The following CACNB4 variants were observed in gnomAD, a reference collection of about 807,000 sequenced individuals.
The protein encoded by CACNB4 is voltage-dependent L-type calcium channel subunit beta-4.
CACNB4 carries 32 observed loss-of-function variants against 71.2 expected under a neutral mutation model. The observed-to-expected ratio is 0.45, with a 90% CI of 0.34 to 0.60. The LOEUF is 0.60. Ranked by LOEUF, CACNB4 falls within the 20% of genes least tolerant of loss-of-function variation. The pLI is 0.01. For missense variants in CACNB4, 464 were observed against 647.9 expected, an observed-to-expected ratio of 0.72 and a Z score of 3.08; for synonymous variants, 231 against 236.9, an observed-to-expected ratio of 0.97 and a Z score of 0.23.
intron 2 of CACNB4, among the ~76,000 whole-genome samples, chr2:152,057,139 T>C (rs1685769471): frequency 6.6e-6 from 1 of 152,178 alleles, no homozygotes; most frequent in Admixed American, 6.5e-5. Context: ...GGTCCATGTA[T>C]TAATAGTAAG....
intron 9 of CACNB4, among the ~76,000 whole-genome samples, chr2:151,865,565 C>A (rs192577867): frequency 1.4e-5 from 2 of 146,434 alleles, no homozygotes; most frequent in Non-Finnish European, 3.0e-5. Context: ...GGCTGTTCAG[C>A]CTGTGAATGG....
chr2:151,845,978 G>A (rs2099837459), intron 12 of CACNB4, among the ~76,000 whole-genome samples: 1 of 152,158 alleles, frequency 6.6e-6, no homozygotes, highest in African/African-American at 2.4e-5. Flanking sequence ...CTCATTTAGT[G>A]GGTATGAAAG....
At chr2:151,963,023 G>A (rs2099870056) in intron 2 of CACNB4, 1 of 152,064 alleles carries the variant, frequency 6.6e-6, no homozygotes, top group African/African-American at 2.4e-5. Context: ...GCTCTAGAAA[G>A]AAACGTGGGC....
chr2:152,075,622 C>A (rs1288865651), intron 2 of CACNB4, among the ~76,000 whole-genome samples: 1 of 152,198 alleles, frequency 6.6e-6, no homozygotes, highest in Non-Finnish European at 1.5e-5. Context: ...TTGACTTGGC[C>A]TGAGAGCCTC....
chr2:151,918,763 T>C (rs1446860131), intron 2 of CACNB4, among the ~76,000 whole-genome samples: 2 of 152,222 alleles, frequency 1.3e-5, no homozygotes, highest in African/African-American at 2.4e-5. Context: ...CTGCATTGTG[T>C]AGCATTAGCA....
chr2:151,927,037 T>C (rs1471536996), intron 2 of CACNB4, among the ~76,000 whole-genome samples: 1 of 152,224 alleles, frequency 6.6e-6, no homozygotes, highest in Non-Finnish European at 1.5e-5. Context: ...CTTTAAGCAC[T>C]TTAAAACATT....
intron 2 of CACNB4, among the ~76,000 whole-genome samples, chr2:151,975,522 T>C (rs1326564398): frequency 6.6e-6 from 1 of 152,100 alleles, no homozygotes; most frequent in African/African-American, 2.4e-5. Flanking sequence ...TGTGCCCCCA[T>C]GGAGGGAGGA....
At chr2:152,018,467 G>C (rs1683470404) in intron 2 of CACNB4, among the ~76,000 whole-genome samples, 1 of 151,862 alleles carries the variant, frequency 6.6e-6, no homozygotes, top group African/African-American at 2.4e-5. Context: ...AAAAAGAAGG[G>C]GTAGTCAAAT....
chr2:151,893,772 A>G (rs1457864447), intron 2 of CACNB4, among the ~76,000 whole-genome samples: 2 of 152,194 alleles, frequency 1.3e-5, no homozygotes, highest in Non-Finnish European at 2.9e-5. Flanking sequence ...CTGGGAAAAA[A>G]ATACAATAAT....
At chr2:151,841,365 G>A (rs1435981905) in intron 13 of CACNB4, among the ~76,000 whole-genome samples, 2 of 152,162 alleles carry the variant, frequency 1.3e-5, no homozygotes, top group African/African-American at 4.8e-5. Context: ...TTGAAGCCAG[G>A]AGTTTGAGAT....
At chr2:151,875,630 C>G (rs1359471816) in intron 5 of CACNB4, among the ~76,000 whole-genome samples, 2 of 143,284 alleles carry the variant, frequency 1.4e-5, no homozygotes, top group African/African-American at 5.6e-5. Flanking sequence ...GGGCTGACCC[C>G]TCCACCTCCC....
At chr2:152,047,265 G>A (rs530846609) in intron 2 of CACNB4, among the ~76,000 whole-genome samples, 7 of 152,006 alleles carry the variant, frequency 4.6e-5, no homozygotes, top group South Asian at 4.2e-4. Context: ...AATGTCAACC[G>A]CTGTCACACA....
In CACNB4 at chr2:151,953,615, C is replaced by T. The variant is rs541097832; in HGVS notation, c.148-70245G>A. Reference sequence around the variant, plus strand: ...TGTCCAAATCCAAACAGTTAGTAAACGGAAAGCATTGTAAGTCCAGTTCTT... The same window carrying T: ...TGTCCAAATCCAAACAGTTAGTAAATGGAAAGCATTGTAAGTCCAGTTCTT... On this transcript the variant is annotated intron_variant, in intron 2 of 13. Coordinates refer to ENST00000539935, the MANE Select transcript of CACNB4 (RefSeq NM_000726.5). Among the ~76,000 whole-genome samples, 9 of 152,256 alleles carry T rather than the reference C, an allele frequency of 5.9e-5. No individual in the cohort carries two copies. In the East Asian group the frequency reaches 9.6e-4, roughly 16 times the overall value.
intron 12 of CACNB4, among the ~76,000 whole-genome samples, chr2:151,843,399 G>A (rs11887713): frequency 0.01 from 1,547 of 152,318 alleles, 22 homozygotes; most frequent in African/African-American, 0.036. Context: ...ACTGCAGCCT[G>A]GAACACCTGG....
At chr2:151,982,074 A>G (rs1182749723) in intron 2 of CACNB4, among the ~76,000 whole-genome samples, 1 of 152,112 alleles carries the variant, frequency 6.6e-6, no homozygotes, top group Non-Finnish European at 1.5e-5. Flanking sequence ...AAGAAAATGG[A>G]GGTTTGGGTG....
At chr2:151,902,269 G>T (rs1418768597) in intron 2 of CACNB4, among the ~76,000 whole-genome samples, 1 of 152,100 alleles carries the variant, frequency 6.6e-6, no homozygotes, top group East Asian at 1.9e-4. Flanking sequence ...GGACTCAAGT[G>T]ATCCTCCCCA....
chr2:151,944,981 A>G (rs2099865215), intron 2 of CACNB4, among the ~76,000 whole-genome samples: 1 of 152,182 alleles, frequency 6.6e-6, no homozygotes, highest in Admixed American at 6.5e-5. Flanking sequence ...ACATTAACAT[A>G]ACATAAAATG....
rs60040188 is a variant in CACNB4, at chr2:151,878,550, T to TACACACAC, written c.391-2002_391-1995dup. 6.7e-3 allele frequency among the ~76,000 whole-genome samples: 877 copies of TACACACAC among 129,936 alleles called. 16 individuals are homozygous for TACACACAC. The highest frequency in any genetic ancestry group is 0.022 in the African/African-American group (761 of 34,788). 85.2% of individuals were successfully genotyped at this position (129,936 alleles called of 152,430 possible). A position where few individuals can be genotyped will look rare whatever the true frequency, so the allele number is the denominator to read the frequency against. On this transcript the variant is annotated intron_variant, in intron 4 of 13. Coordinates refer to ENST00000539935, the MANE Select transcript of CACNB4 (RefSeq NM_000726.5). ...CAGGGTAACATAGCAAGACCCTGTC[T>TACACACAC]ACACACACACACACACACACACACA...
chr2:152,021,426 T>A (rs191711309), intron 2 of CACNB4, among the ~76,000 whole-genome samples: 13 of 152,316 alleles, frequency 8.5e-5, no homozygotes, highest in Admixed American at 6.5e-5. Context: ...AATGTTACCC[T>A]TCTGGCAGCC....
Sources: gnomAD v4.1 joint callset for allele counts (sites outside exome capture counted in the v4.1 genomes callset) on GRCh38, gnomAD v4.1.1 for gene constraint, MANE v1.5 for transcripts, NCBI Gene and HGNC (gene_info 2026-07-23, HGNC 2026-07-21) for gene names.